SLC22A23: variants seen among roughly 807,000 people sequenced by gnomAD.
SLC22A23 encodes solute carrier family 22 member 23.
Under a neutral mutation model 61.0 loss-of-function variants are expected in SLC22A23, and 26 were observed. That is an observed-to-expected ratio of 0.43 (90% CI 0.31 to 0.59). SLC22A23 has a LOEUF of 0.59. Ranked by LOEUF, SLC22A23 falls within the 20% of genes least tolerant of loss-of-function variation. The pLI, the probability that SLC22A23 is intolerant of heterozygous loss-of-function variation, is 0.11. For synonymous variants in SLC22A23, 430 were observed against 413.9 expected (o/e 1.04, Z -0.47); for missense variants, 796 against 934.7 (o/e 0.85, Z 1.94).
chr6:3,333,103 C>T lies in SLC22A23; in HGVS notation c.914-9101G>A, dbSNP rs1041296785. ...ACTGACCCATGGAGCAAAGCGGCGG[C>T]GCCTCAGCCTCCCATCCTAGAGTTG... is the stretch of plus-strand genomic sequence containing the variant. On this transcript the variant is annotated intron_variant, in intron 3 of 9. Transcript: ENST00000406686. This position sits in a 1 kb window ranked among gnomAD's most constrained non-coding sequence, Gnocchi z 4.1. Among the ~76,000 whole-genome samples the T allele has an allele frequency of 1.9e-4, 29 of 152,290 alleles. No homozygotes were observed. Among genetic ancestry groups the T allele is most frequent in the African/African-American group, 6.3e-4 (26 of 41,562 alleles).
chr6:3,388,134 C>T lies in SLC22A23; in HGVS notation c.913+22054G>A, dbSNP rs1767428691. ...ATGTAGGGAGAGGGCAAGCCCGCCA[C>T]AGAAACACAGAAGGGGGTTCATTCA... On this transcript the variant is annotated intron_variant, in intron 3 of 9. Coordinates refer to ENST00000406686, the MANE Select transcript of SLC22A23 (RefSeq NM_015482.2). Among the ~76,000 whole-genome samples the T allele has an allele frequency of 2.0e-5, 3 of 152,196 alleles. No homozygotes were observed. The South Asian group carries it at 6.2e-4, about 32-fold the overall frequency.
chr6:3,430,549 C>T lies in SLC22A23; in HGVS notation c.655-14694G>A, dbSNP rs1034422150. On this transcript the variant is annotated intron_variant, in intron 1 of 9. Transcript: ENST00000406686. ...GTGTTCCATGACTATTTATTGGTCACGTATTGAGTGCCACACCCCAAGGAA... is the reference window on the plus strand; with the variant it reads ...GTGTTCCATGACTATTTATTGGTCATGTATTGAGTGCCACACCCCAAGGAA... Among the ~76,000 whole-genome samples the T allele has an allele frequency of 6.4e-4, 97 of 152,300 alleles. 1 individual carries two copies. The highest frequency in any genetic ancestry group is 2.2e-3 in the African/African-American group (93 of 41,558).
At position 3,286,100 on chromosome 6, in the gene SLC22A23, A is replaced by AT. The variant is rs34898819; in HGVS notation, c.1546+758dup. 2.8e-3 allele frequency among the ~76,000 whole-genome samples: 396 copies of AT among 142,054 alleles called. 3 individuals are homozygous for AT. Among genetic ancestry groups the AT allele is most frequent in the Middle Eastern group, 0.018 (5 of 276 alleles). 93.2% of individuals were successfully genotyped at this position (142,054 alleles called of 152,430 possible). On this transcript the variant is annotated intron_variant, in intron 7 of 9. Coordinates refer to ENST00000406686, the MANE Select transcript of SLC22A23 (RefSeq NM_015482.2). This position sits in a 1 kb window ranked among gnomAD's most constrained non-coding sequence, Gnocchi z 4.2. ...GATGGACTCTCTAGCTTTGCCTTAG[A>AT]TTTTTTTTTTTTTTTTGAGATGGAG... is the stretch of plus-strand genomic sequence containing the variant.
At chr6:3,398,241 T>C (rs1186835548) in intron 3 of SLC22A23, among the ~76,000 whole-genome samples, 1 of 152,136 alleles carries the variant, frequency 6.6e-6, no homozygotes, top group Non-Finnish European at 1.5e-5. Context: ...GGAAATGAAC[T>C]AGAAGTAAAT....
chr6:3,274,422 C>T (rs1758710334), intron 9 of SLC22A23, among the ~76,000 whole-genome samples: 1 of 152,190 alleles, frequency 6.6e-6, no homozygotes, highest in Non-Finnish European at 1.5e-5. Context: ...CCTCGCTCCA[C>T]AGCAGCAGGT....
At chr6:3,310,316 C>T (rs1392601920) in intron 4 of SLC22A23, among the ~76,000 whole-genome samples, 1 of 143,348 alleles carries the variant, frequency 7.0e-6, no homozygotes, top group Admixed American at 6.9e-5. Context: ...CACTCAAGCA[C>T]CCTGCCTCCC....
In SLC22A23 at chr6:3,288,208, G is replaced by A. The variant is rs148127489; in HGVS notation, c.1314-1117C>T. On this transcript the variant is annotated intron_variant, in intron 6 of 9. Transcript: ENST00000406686. ...GGTGTACCTGTGATGCACCCGTGGTGCCTCGAGGGACCCTTCTTATGTCTG... is the reference window on the plus strand; with the variant it reads ...GGTGTACCTGTGATGCACCCGTGGTACCTCGAGGGACCCTTCTTATGTCTG... Among the ~76,000 whole-genome samples the A allele has an allele frequency of 6.7e-3, 1,014 of 152,296 alleles. 12 individuals are homozygous for A. Among genetic ancestry groups the A allele is most frequent in the African/African-American group, 0.023 (976 of 41,568 alleles).
chr6:3,284,052 C>T (rs1170136290), intron 8 of SLC22A23, 77 bp from the exon 9 acceptor site: 1 of 1,426,036 alleles, frequency 7.0e-7, no homozygotes, highest in African/African-American at 1.4e-5. Context: ...TGGGGCTGCA[C>T]AGCACAGCTC....
At chr6:3,361,115 A>C (rs12525307) in intron 3 of SLC22A23, among the ~76,000 whole-genome samples, 1 of 149,086 alleles carries the variant, frequency 6.7e-6, no homozygotes, top group African/African-American at 2.5e-5. Flanking sequence ...TAAGACCCCA[A>C]CCAGCTGTGA....
chr6:3,310,880 C>T (rs1239292416), intron 4 of SLC22A23, among the ~76,000 whole-genome samples: 1 of 152,184 alleles, frequency 6.6e-6, no homozygotes, highest in East Asian at 1.9e-4. Flanking sequence ...AAAGAAAATA[C>T]AGGAAGGAAA....
chr6:3,335,960 G>A (rs1763830964), intron 3 of SLC22A23, among the ~76,000 whole-genome samples: 2 of 152,096 alleles, frequency 1.3e-5, no homozygotes, highest in South Asian at 4.1e-4. Context: ...GCGGTGGCGG[G>A]CGCCTGTAGT....
chr6:3,444,722 C>G (rs1268957699), intron 1 of SLC22A23: 2 of 887,318 alleles, frequency 2.3e-6, no homozygotes, highest in East Asian at 2.4e-4. Flanking sequence ...GTTTTGTTTT[C>G]AGGTTGGAAC....
In SLC22A23 at chr6:3,328,675, T is replaced by C. The variant is rs2127406284; in HGVS notation, c.914-4673A>G. On this transcript the variant is annotated intron_variant, in intron 3 of 9. Coordinates refer to ENST00000406686, the MANE Select transcript of SLC22A23 (RefSeq NM_015482.2). This position sits in a 1 kb window ranked among gnomAD's most constrained non-coding sequence, Gnocchi z 5.0. ...CTGTGGACGGCAGTGCCCGCCCCCA[T>C]GCCCTGGAGTCCTGATGGCTGGCCC... 6.6e-6 allele frequency among the ~76,000 whole-genome samples: 1 copy of C among 152,220 alleles called. No individual in the cohort carries two copies. The highest frequency in any genetic ancestry group is 1.9e-4 in the East Asian group (1 of 5,170).
rs895576910 is a variant in SLC22A23, at chr6:3,286,621, G to A, written c.1546+238C>T. On this transcript the variant is annotated intron_variant, in intron 7 of 9. Coordinates refer to ENST00000406686, the MANE Select transcript of SLC22A23 (RefSeq NM_015482.2). This position sits in a 1 kb window ranked among gnomAD's most constrained non-coding sequence, Gnocchi z 4.2. ...AGCAAAGACTGGGCCACCAGGACTC[G>A]GAAGGAATCATGGTGCAGCCCGGGC... 3.9e-5 allele frequency among the ~76,000 whole-genome samples: 6 copies of A among 152,218 alleles called. No homozygotes were observed. The highest frequency in any genetic ancestry group is 2.1e-4 in the South Asian group (1 of 4,832).
chr6:3,438,625 A>C (rs995031646), intron 1 of SLC22A23: 1 of 427,626 alleles, frequency 2.3e-6, no homozygotes, highest in Non-Finnish European at 4.7e-6. Context: ...TTTGAAAATA[A>C]GTACCTTTTA....
rs980242412 is a variant in SLC22A23, at chr6:3,297,427, T to C, written c.1210+664A>G. 2.0e-5 allele frequency among the ~76,000 whole-genome samples: 3 copies of C among 152,190 alleles called. No homozygotes were observed. The highest frequency in any genetic ancestry group is 4.4e-5 in the Non-Finnish European group (3 of 68,036). The stretch of plus-strand genomic sequence containing the variant: ...ATACCACTTGCATCAGAATCTCTTC[T>C]AGTGCTTATTAGAAATGCAAGTTCT... On this transcript the variant is annotated intron_variant, in intron 5 of 9. Coordinates refer to ENST00000406686, the MANE Select transcript of SLC22A23 (RefSeq NM_015482.2). The surrounding 1 kb of genome is among the most constrained non-coding windows in gnomAD (Gnocchi z 4.3).
chr6:3,325,191 G>A (rs1267862621), intron 3 of SLC22A23, among the ~76,000 whole-genome samples: 1 of 152,218 alleles, frequency 6.6e-6, no homozygotes, highest in African/African-American at 2.4e-5. Flanking sequence ...GTTGGAGGCT[G>A]TTTGGATGGT....
At chr6:3,366,442 G>A (rs529065027) in intron 3 of SLC22A23, among the ~76,000 whole-genome samples, 1 of 151,362 alleles carries the variant, frequency 6.6e-6, no homozygotes, top group South Asian at 2.1e-4. Context: ...GTGAGCCATG[G>A]TATTCTCCTC....
At chr6:3,284,692 G>C (rs1013725336) in intron 8 of SLC22A23, among the ~76,000 whole-genome samples, 4 of 152,216 alleles carry the variant, frequency 2.6e-5, no homozygotes, top group African/African-American at 9.6e-5. Context: ...TGAGTCAAAG[G>C]GGGACAGCGG....
Sources: gnomAD v4.1 joint callset for allele counts (sites outside exome capture counted in the v4.1 genomes callset) on GRCh38, gnomAD v4.1.1 for gene constraint, Gnocchi (gnomAD v3.1) non-coding constraint, MANE v1.5 for transcripts, NCBI Gene and HGNC (gene_info 2026-07-23, HGNC 2026-07-21) for gene names.